Variants in ZNF438 observed in about 807,000 individuals in gnomAD.
The protein encoded by ZNF438 is zinc finger protein 438.
ZNF438 carries 25 observed loss-of-function variants against 38.0 expected under a neutral mutation model. The ratio of observed to expected loss-of-function variants is 0.66; its 90% confidence interval spans 0.48 to 0.92. The LOEUF (loss-of-function observed/expected upper bound fraction) is 0.92, where lower values mean the gene tolerates loss of function less well. ZNF438 is among the 40% of genes least tolerant of loss of function. The pLI is 0.00. For missense variants in ZNF438, 1,007 were observed against 999.6 expected, an observed-to-expected ratio of 1.01 and a Z score of -0.10; for synonymous variants, 372 against 364.1, an observed-to-expected ratio of 1.02 and a Z score of -0.25.
chr10:30,852,153 C>T (rs4747733), intron 4 of ZNF438, among the ~76,000 whole-genome samples: 35,815 of 151,092 alleles, frequency 0.24, 5,444 homozygotes, highest in Admixed American at 0.33. Flanking sequence ...ACAGTCTGAG[C>T]GAGACTCCGT....
chr10:31,024,527 C>T (rs570156454), intron 1 of ZNF438, among the ~76,000 whole-genome samples: 1 of 152,152 alleles, frequency 6.6e-6, no homozygotes, highest in East Asian at 1.9e-4. Flanking sequence ...ACTAGGGAGG[C>T]TGAGGCAAGA....
chr10:30,985,014 A>G (rs1315571097), intron 1 of ZNF438, among the ~76,000 whole-genome samples: 1 of 152,200 alleles, frequency 6.6e-6, no homozygotes, highest in Admixed American at 6.5e-5. Context: ...GCTCTGCCAT[A>G]ATCTCATTGA....
At chr10:31,017,279 T>C (rs1460129539) in intron 1 of ZNF438, among the ~76,000 whole-genome samples, 1 of 152,264 alleles carries the variant, frequency 6.6e-6, no homozygotes, top group Non-Finnish European at 1.5e-5. Flanking sequence ...CAGGCAGTCT[T>C]GGCTTTGCCT....
intron 1 of ZNF438, among the ~76,000 whole-genome samples, chr10:30,985,733 T>C (rs544086201): frequency 1.3e-5 from 2 of 152,330 alleles, no homozygotes; most frequent in African/African-American, 4.8e-5. Flanking sequence ...CCATGAACAC[T>C]GAATTAGGGA....
chr10:30,856,113 A>G (rs185809471), intron 4 of ZNF438, among the ~76,000 whole-genome samples: 21 of 152,350 alleles, frequency 1.4e-4, no homozygotes, highest in Admixed American at 1.2e-3. Context: ...CTAGATGTAC[A>G]CACAGAGAAT....
chr10:30,964,793 G>A (rs2049930226), intron 1 of ZNF438, among the ~76,000 whole-genome samples: 1 of 152,054 alleles, frequency 6.6e-6, no homozygotes, highest in Non-Finnish European at 1.5e-5. Context: ...TAACAGGAAG[G>A]ATGTAGACAT....
At chr10:30,901,949 G>T (rs1402672993) in intron 3 of ZNF438, among the ~76,000 whole-genome samples, 1 of 152,062 alleles carries the variant, frequency 6.6e-6, no homozygotes, top group African/African-American at 2.4e-5. Flanking sequence ...AAGGTGGCGC[G>T]TCTGGAGTTG....
At chr10:30,890,946 A>G (rs1026733886) in intron 3 of ZNF438, among the ~76,000 whole-genome samples, 1 of 152,228 alleles carries the variant, frequency 6.6e-6, no homozygotes, top group African/African-American at 2.4e-5. Flanking sequence ...GTGGGTACGC[A>G]ATTCCAGGTT....
exon 5 of ZNF438, chr10:30,849,082 G>A (rs1276409742): frequency 6.2e-7 from 1 of 1,614,088 alleles, no homozygotes; most frequent in African/African-American, 1.3e-5. Context: ...GTATGACCAT[G>A]ATAGGTTTGG....
At chr10:30,869,189 ACGG>A (rs1172318392) in intron 4 of ZNF438, among the ~76,000 whole-genome samples, 6 of 152,204 alleles carry the variant, frequency 3.9e-5, no homozygotes, top group African/African-American at 1.4e-4. Context: ...CCTGGCTAAC[ACGG>A]TGAAACCCTG....
chr10:31,032,004 TC>T (rs1297085718), upstream of ZNF438: 2 of 151,416 alleles, frequency 1.3e-5, no homozygotes, highest in African/African-American at 4.9e-5. Context: ...TCCACGCACC[TC>T]CCCGTAGCAG....
chr10:30,938,617 C>T (rs2046500207), intron 2 of ZNF438, among the ~76,000 whole-genome samples: 2 of 152,124 alleles, frequency 1.3e-5, no homozygotes, highest in African/African-American at 4.8e-5. Flanking sequence ...GAAATCCCAC[C>T]AGTATCCTTA....
chr10:30,907,105 G>C (rs2042656712), intron 3 of ZNF438, among the ~76,000 whole-genome samples: 1 of 152,204 alleles, frequency 6.6e-6, no homozygotes. Flanking sequence ...CTCCAGAGTA[G>C]CTGGGATCAC....
At chr10:31,022,724 C>T (rs963215900) in intron 1 of ZNF438, among the ~76,000 whole-genome samples, 4 of 152,330 alleles carry the variant, frequency 2.6e-5, no homozygotes, top group African/African-American at 4.8e-5. Flanking sequence ...ACACAACAAA[C>T]GCTTCGAAAG....
intron 1 of ZNF438, among the ~76,000 whole-genome samples, chr10:30,961,265 AAT>A (rs1491236604): frequency 7.2e-6 from 1 of 139,602 alleles, no homozygotes; most frequent in African/African-American, 2.5e-5. Context: ...TAAAAAAAAA[AAT>A]TTTTTAATTT....
intron 1 of ZNF438, among the ~76,000 whole-genome samples, chr10:31,010,572 CAT>C (rs2055575811): frequency 6.6e-6 from 1 of 151,942 alleles, no homozygotes; most frequent in South Asian, 2.1e-4. Context: ...AAAAATTGAA[CAT>C]GTTTAATTAG....
intron 1 of ZNF438, among the ~76,000 whole-genome samples, chr10:31,021,128 C>T (rs12782560): frequency 0.019 from 2,879 of 148,998 alleles, 44 homozygotes; most frequent in Non-Finnish European, 0.026. Flanking sequence ...GCAATCTCAG[C>T]TTACAACAGC....
chr10:30,990,155 A>T (rs954004414), intron 1 of ZNF438, among the ~76,000 whole-genome samples: 78 of 152,336 alleles, frequency 5.1e-4, no homozygotes, highest in African/African-American at 1.8e-3. Context: ...GATGATAGAG[A>T]ACCAATTCAT....
intron 1 of ZNF438, among the ~76,000 whole-genome samples, chr10:30,990,137 C>G (rs565940629): frequency 5.9e-4 from 90 of 152,090 alleles, no homozygotes; most frequent in African/African-American, 2.1e-3. Flanking sequence ...AACTGGTCAC[C>G]TTTAAGAGAT....
Sources: gnomAD v4.1 joint callset for allele counts (sites outside exome capture counted in the v4.1 genomes callset) on GRCh38, gnomAD v4.1.1 for gene constraint, MANE v1.5 for transcripts, NCBI Gene and HGNC (gene_info 2026-07-23, HGNC 2026-07-21) for gene names.